Variants in PER3 observed in about 807,000 individuals in gnomAD.
The protein encoded by PER3 is period circadian regulator 3.
In PER3, 107 loss-of-function variants were observed where a neutral mutation model predicts 127.2. The observed-to-expected ratio is 0.84, with a 90% CI of 0.72 to 0.99. PER3 has a LOEUF of 0.99. Among genes scored for constraint, PER3 ranks in the 50% least tolerant of loss-of-function variants. The pLI is 0.00. For missense variants in PER3, 1,560 were observed against 1,525.8 expected (o/e 1.02, Z -0.37); for synonymous variants, 618 against 585.8 (o/e 1.05, Z -0.79).
chr1:7,828,024 T>C (rs1255641055), intron 18 of PER3, among the ~76,000 whole-genome samples: 1 of 152,244 alleles, frequency 6.6e-6, no homozygotes, highest in East Asian at 1.9e-4. Context: ...ATCTATGTTC[T>C]AGTTTCTTAT....
Position 7,827,695 on chromosome 1 carries a change from C to G in PER3, c.2766C>G (p.His922Gln). The change falls in exon 18 of 22, where the codon CAC (histidine) becomes CAG (glutamine). Residue 922 changes from histidine to glutamine, a missense_variant. Physicochemically the swap from His to Gln is conservative, Grantham distance 24. Around this residue, in one of 3 missense-constraint regions of PER3, gnomAD observed 1,332 missense variants for 1,223.6 expected, o/e 1.09. Coordinates refer to ENST00000377532, the MANE Select transcript of PER3 (RefSeq NM_001377275.1). ...AGTGGGAGGCACAAAGCGAGGGGCA[C>G]CCGTTCATTACTTCGAGAAGCAGCT... ...EEKWEAQSEGHPFITSRSSSP... is the reference protein window; with the variant it reads ...EEKWEAQSEGQPFITSRSSSP... The G allele has an allele frequency of 6.2e-7, 1 of 1,614,136 alleles. No individual in the cohort carries two copies. Among genetic ancestry groups the G allele is most frequent in the South Asian group, 1.1e-5 (1 of 91,082 alleles).
chr1:7,843,780 C>A lies in PER3; in HGVS notation c.*1025C>A. 1 of 415,924 alleles carries A rather than the reference C, an allele frequency of 2.4e-6. No individual in the cohort carries two copies. Among genetic ancestry groups the A allele is most frequent in the Non-Finnish European group, 3.5e-6 (1 of 281,978 alleles). The allele number at this position is 415,924 out of a possible 1,614,324, so 25.8% of individuals were successfully genotyped here. ...TCCAGGCGAGCCCAGTTGTCCTCGC[C>A]CACAGGGTCCTGCAGGCTCCATCAG... On this transcript the variant is annotated 3_prime_UTR_variant, in exon 22 of 22. Transcript: ENST00000377532.
chr1:7,789,769 G>C (rs1005287599), intron 5 of PER3, among the ~76,000 whole-genome samples: 1 of 152,106 alleles, frequency 6.6e-6, no homozygotes, highest in Non-Finnish European at 1.5e-5. Flanking sequence ...GTAGCTTTGC[G>C]TGTTTCTTCT....
At chr1:7,821,049 T>C (rs916605974) in intron 16 of PER3, among the ~76,000 whole-genome samples, 1 of 152,258 alleles carries the variant, frequency 6.6e-6, no homozygotes, top group Non-Finnish European at 1.5e-5. Flanking sequence ...CAGTCACACA[T>C]ACCTTCAGAT....
chr1:7,800,832 A>AG lies in PER3; in HGVS notation c.794-281_794-280insG, dbSNP rs1243187917. ...ATAGAGCAAGACTCTGTCTCCAAAA[A>AG]AAAAAAAAAAGAGAGAAAACTATTT... On this transcript the variant is annotated intron_variant, in intron 7 of 21. Transcript: ENST00000377532. Among the ~76,000 whole-genome samples, 29 of 110,872 alleles carry AG rather than the reference A, an allele frequency of 2.6e-4. No individual in the cohort carries two copies. The East Asian group carries it at 5.5e-3, about 21-fold the overall frequency. 72.7% of individuals were successfully genotyped at this position (110,872 alleles called of 152,430 possible). A position where few individuals can be genotyped will look rare whatever the true frequency, so the allele number is the denominator to read the frequency against.
intron 7 of PER3, among the ~76,000 whole-genome samples, chr1:7,799,836 A>G (rs1247435229): frequency 6.6e-6 from 1 of 151,070 alleles, no homozygotes; most frequent in Non-Finnish European, 1.5e-5. Context: ...GTGTGTGGTC[A>G]TGGCTCATTG....
At chr1:7,838,801 CTT>C (rs768922000) in intron 21 of PER3, among the ~76,000 whole-genome samples, 1 of 152,136 alleles carries the variant, frequency 6.6e-6, no homozygotes, top group East Asian at 1.9e-4. Flanking sequence ...CATGTAGTAA[CTT>C]TTTACATCCT....
chr1:7,784,936 G>A lies in PER3; in HGVS notation c.59G>A (p.Gly20Asp), dbSNP rs771939250. Residue 20 changes from glycine to aspartate, a missense_variant, in exon 2 of 22, where the codon GGC becomes GAC. By Grantham distance (94) the Gly-to-Asp change is moderately conservative. Around this residue, in one of 3 missense-constraint regions of PER3, gnomAD observed 1,332 missense variants for 1,223.6 expected, o/e 1.09. Coordinates refer to ENST00000377532, the MANE Select transcript of PER3 (RefSeq NM_001377275.1). Reference protein sequence around the residue: ...GRRGAKDEALGEESGERWSPE... With the variant: ...GRRGAKDEALDEESGERWSPE... ...CGGGGGGCTAAGGACGAGGCCCTGG[G>A]CGAAGAATCGGGGGAGCGGTGGAGC... is the stretch of plus-strand genomic sequence containing the variant. 1.3e-6 allele frequency: 2 copies of A among 1,541,110 alleles called. No homozygotes were observed. Among genetic ancestry groups the A allele is most frequent in the Non-Finnish European group, 1.7e-6 (2 of 1,155,646 alleles).
intron 19 of PER3, among the ~76,000 whole-genome samples, chr1:7,833,509 A>C (rs1421550708): frequency 6.6e-6 from 1 of 152,212 alleles, no homozygotes. Context: ...ATCCTGAAAT[A>C]TGTCTTGCTT....
At chr1:7,800,245 T>C (rs1008104260) in intron 7 of PER3, among the ~76,000 whole-genome samples, 1 of 150,706 alleles carries the variant, frequency 6.6e-6, no homozygotes, top group African/African-American at 2.4e-5. Context: ...CTCGCTCTGT[T>C]ACCCAGGCTG....
At chr1:7,832,786 C>T (rs12035969) in intron 19 of PER3, among the ~76,000 whole-genome samples, 29,610 of 150,914 alleles carry the variant, frequency 0.2, 3,108 homozygotes, top group South Asian at 0.27. Context: ...TTTTTCCCCC[C>T]CAATATAAAC....
intron 10 of PER3, among the ~76,000 whole-genome samples, chr1:7,807,612 T>TA (rs2097200539): frequency 6.6e-6 from 1 of 152,206 alleles, no homozygotes; most frequent in African/African-American, 2.4e-5. Context: ...TTGGGCCAGT[T>TA]CCTCAGAGTA....
At chr1:7,840,869 A>G (rs1467220510) in intron 21 of PER3, among the ~76,000 whole-genome samples, 1 of 152,050 alleles carries the variant, frequency 6.6e-6, no homozygotes, top group Non-Finnish European at 1.5e-5. Context: ...CAGCCTTCCA[A>G]AGTGCTGGGA....
chr1:7,827,960 TAAACATG>T, intron 18 of PER3, 145 bp downstream of exon 18: 1 of 621,914 alleles, frequency 1.6e-6, no homozygotes, highest in Non-Finnish European at 2.8e-6. Flanking sequence ...TAATTCTGTG[TAAACATG>T]AAACACATCT....
At chr1:7,830,222 G>C in intron 19 of PER3, 61 bp downstream of exon 19, 1 of 1,429,766 alleles carries the variant, frequency 7.0e-7, no homozygotes, top group Non-Finnish European at 9.8e-7. Flanking sequence ...TATGTGCTGA[G>C]CTCTCACTGT....
rs576787326 is a variant in PER3 at position 7,830,983 on chromosome 1, C to T, written c.3214+822C>T. Among the ~76,000 whole-genome samples the T allele has an allele frequency of 2.6e-5, 4 of 152,102 alleles. No individual in the cohort carries two copies. The South Asian group carries it at 8.3e-4, about 32-fold the overall frequency. On this transcript the variant is annotated intron_variant, in intron 19 of 21. Transcript: ENST00000377532. ...CTTTGTCCATATAAATTATAGACTC[C>T]ATTTCTCAGTTTCTACAAAAAAGTC...
chr1:7,786,144 A>G (rs751981996), intron 3 of PER3, among the ~76,000 whole-genome samples: 2 of 152,150 alleles, frequency 1.3e-5, no homozygotes, highest in African/African-American at 2.4e-5. Context: ...TAGTCCAGCT[A>G]TTCGGGAGGC....
chr1:7,785,412 T>C, intron 2 of PER3, 29 bp from the exon 3 acceptor site: 2 of 1,589,566 alleles, frequency 1.3e-6, no homozygotes, highest in Non-Finnish European at 1.7e-6. Context: ...CTTCAGAGGA[T>C]GAAGTTGTAA....
Position 7,809,797 on chromosome 1 carries a change from T to A in PER3, c.1243-96T>A, listed in dbSNP as rs541878395. On this transcript the variant is annotated intron_variant, in intron 11 of 21. Transcript: ENST00000377532. ...CACACCTAATTTAGTATTTCAGGAA[T>A]TGTCATCTTAATTTTTACATGATTC... 7.7e-6 allele frequency: 9 copies of A among 1,164,586 alleles called. No individual in the cohort carries two copies. The African/African-American group carries it at 1.4e-4, about 18-fold the overall frequency. 72.1% of individuals were successfully genotyped at this position (1,164,586 alleles called of 1,614,324 possible). A position where few individuals can be genotyped will look rare whatever the true frequency, so the allele number is the denominator to read the frequency against.
Sources: allele counts gnomAD v4.1 joint callset (sites outside exome capture counted in the v4.1 genomes callset), GRCh38; gene constraint gnomAD v4.1.1; regional missense constraint gnomAD v4.1.1; transcripts MANE v1.5; gene names NCBI Gene and HGNC (gene_info 2026-07-23, HGNC 2026-07-21).